Variants in PCDH9 observed in about 807,000 individuals in gnomAD.
PCDH9 encodes protocadherin-9.
PCDH9 carries 24 observed loss-of-function variants against 70.6 expected under a neutral mutation model. The ratio of observed to expected loss-of-function variants is 0.34; its 90% CI spans 0.25 to 0.48. The LOEUF is 0.48. Ranked by LOEUF, PCDH9 falls within the 20% of genes least tolerant of loss-of-function variation. The pLI is 0.99. For synonymous variants in PCDH9, 562 were observed against 558.5 expected, an observed-to-expected ratio of 1.01 and a Z score of -0.09; for missense variants, 1,281 against 1,503.6, an observed-to-expected ratio of 0.85 and a Z score of 2.45.
At chr13:66,566,090 T>C (rs2076648398) in intron 4 of PCDH9, among the ~76,000 whole-genome samples, 1 of 152,182 alleles carries the variant, frequency 6.6e-6, no homozygotes, top group Non-Finnish European at 1.5e-5. Flanking sequence ...AAGCTAGGCC[T>C]GAGAGATATT....
intron 3 of PCDH9, among the ~76,000 whole-genome samples, chr13:66,762,773 TA>T (rs2079649611): frequency 6.6e-6 from 1 of 152,026 alleles, no homozygotes; most frequent in Admixed American, 6.6e-5. Flanking sequence ...GAAATGTATT[TA>T]TTTGATATTA....
At chr13:66,919,648 G>A (rs1373981447) in intron 2 of PCDH9, among the ~76,000 whole-genome samples, 27 of 151,042 alleles carry the variant, frequency 1.8e-4, no homozygotes, top group Non-Finnish European at 1.5e-5. Flanking sequence ...TTTGCACGGA[G>A]GCACAGTCCT....
At chr13:66,660,868 G>T (rs910070218) in intron 3 of PCDH9, among the ~76,000 whole-genome samples, 1 of 150,412 alleles carries the variant, frequency 6.6e-6, no homozygotes, top group Non-Finnish European at 1.5e-5. Context: ...ATTTTGATTT[G>T]CTTCTGGAAA....
chr13:66,517,358 A>AAG (rs1461227901), intron 4 of PCDH9, among the ~76,000 whole-genome samples: 1 of 152,166 alleles, frequency 6.6e-6, no homozygotes, highest in Non-Finnish European at 1.5e-5. Context: ...ACTTTAGCTT[A>AAG]AGAGATCACC....
chr13:67,022,819 T>C (rs572281875), intron 2 of PCDH9, among the ~76,000 whole-genome samples: 9 of 152,312 alleles, frequency 5.9e-5, no homozygotes, highest in Admixed American at 5.9e-4. Flanking sequence ...GAGTATTGCT[T>C]AACGTTCAGA....
At chr13:66,588,424 A>G (rs73194750) in intron 4 of PCDH9, among the ~76,000 whole-genome samples, 103 of 151,828 alleles carry the variant, frequency 6.8e-4, no homozygotes, top group Non-Finnish European at 1.3e-3. Flanking sequence ...TTATGAATCA[A>G]TTTTTGCCCA....
intron 3 of PCDH9, among the ~76,000 whole-genome samples, chr13:66,853,021 T>G (rs2081339209): frequency 6.6e-6 from 1 of 151,970 alleles, no homozygotes; most frequent in South Asian, 2.1e-4. Flanking sequence ...GCTTGTTTCT[T>G]TTCATTAACA....
At chr13:67,191,583 C>G (rs1330990525) in intron 2 of PCDH9, among the ~76,000 whole-genome samples, 1 of 152,090 alleles carries the variant, frequency 6.6e-6, no homozygotes, top group African/African-American at 2.4e-5. Flanking sequence ...ACTAAAACAT[C>G]AAGAAAGCTA....
At chr13:67,089,756 G>A (rs1362065625) in intron 2 of PCDH9, among the ~76,000 whole-genome samples, 1 of 151,918 alleles carries the variant, frequency 6.6e-6, no homozygotes, top group Non-Finnish European at 1.5e-5. Context: ...TTTCACTTAC[G>A]TTCACCTGCA....
At chr13:66,789,200 G>A (rs1398374225) in intron 3 of PCDH9, among the ~76,000 whole-genome samples, 1 of 152,152 alleles carries the variant, frequency 6.6e-6, no homozygotes, top group East Asian at 1.9e-4. Context: ...CAGACCCTGA[G>A]TAACCGGCTG....
At chr13:66,961,924 G>C (rs973003268) in intron 2 of PCDH9, among the ~76,000 whole-genome samples, 1 of 152,084 alleles carries the variant, frequency 6.6e-6, no homozygotes, top group South Asian at 2.1e-4. Context: ...GGTGGCGTGT[G>C]CCGGTAATCC....
Position 67,225,705 on chromosome 13 carries a change from C to T in PCDH9, c.2736G>A (p.Glu912=), listed in dbSNP as rs965588825. The T allele has an allele frequency of 6.2e-7, 1 of 1,614,194 alleles. No homozygotes were observed. The highest frequency in any genetic ancestry group is 1.7e-5 in the Admixed American group (1 of 60,026). ...CCCAGTCAAATCTTCCTATACTTTG[C>T]TCCTCCAGTTCAGCCGGCAGGCTTA... ...GTISLPAELE[E]QSIGRFDWGP... The change falls in exon 2 of 5, where the codon GAG becomes GAA. Residue 912 remains glutamate, a synonymous_variant. Transcript: ENST00000377865.
chr13:66,467,492 G>T (rs1264682042), intron 4 of PCDH9, among the ~76,000 whole-genome samples: 1 of 151,944 alleles, frequency 6.6e-6, no homozygotes, highest in Non-Finnish European at 1.5e-5. Context: ...TAACTACCCT[G>T]AGAAAGAAGC....
At chr13:66,767,566 T>G (rs1449435843) in intron 3 of PCDH9, among the ~76,000 whole-genome samples, 1 of 152,094 alleles carries the variant, frequency 6.6e-6, no homozygotes, top group Non-Finnish European at 1.5e-5. Flanking sequence ...TACAGATCCC[T>G]TCAAACTTCT....
chr13:67,228,171 G>A lies in PCDH9; in HGVS notation c.270C>T (p.Asn90=), dbSNP rs149354181. Residue 90 remains asparagine (N), a synonymous_variant, in exon 2 of 5, where the codon AAC becomes AAT. Transcript: ENST00000377865. ...SSTGEIFTTS[N]RIDREKLCAG... ...CACAGAGTTTTTCTCTGTCTATTCT[G>A]TTGGAGGTTGTGAAAATTTCCCCAG... 3.1e-5 allele frequency: 50 copies of A among 1,613,490 alleles called. No individual in the cohort carries two copies. The highest frequency in any genetic ancestry group is 3.9e-5 in the Non-Finnish European group (46 of 1,179,870).
At chr13:66,788,590 C>CTGGT (rs2080114822) in intron 3 of PCDH9, among the ~76,000 whole-genome samples, 1 of 150,502 alleles carries the variant, frequency 6.6e-6, no homozygotes, top group Non-Finnish European at 1.5e-5. Context: ...GACTTCCACT[C>CTGGT]TGAATTTCAG....
intron 3 of PCDH9, among the ~76,000 whole-genome samples, chr13:66,708,731 A>G (rs2078751508): frequency 6.6e-6 from 1 of 152,220 alleles, no homozygotes; most frequent in Non-Finnish European, 1.5e-5. Context: ...TTTCAGTGAT[A>G]GGAGAATCAA....
intron 4 of PCDH9, among the ~76,000 whole-genome samples, chr13:66,441,787 GA>G (rs1957978793): frequency 6.6e-6 from 1 of 151,928 alleles, no homozygotes; most frequent in African/African-American, 2.4e-5. Flanking sequence ...GGTTAATAAA[GA>G]AAAACTAAGA....
chr13:66,717,943 A>G (rs1182589601), intron 3 of PCDH9, among the ~76,000 whole-genome samples: 1 of 152,204 alleles, frequency 6.6e-6, no homozygotes, highest in Non-Finnish European at 1.5e-5. Flanking sequence ...GATCAAAATA[A>G]TCAGATCATG....
Sources: gnomAD v4.1 joint callset for allele counts (sites outside exome capture counted in the v4.1 genomes callset) on GRCh38, gnomAD v4.1.1 for gene constraint, MANE v1.5 for transcripts, NCBI Gene and HGNC (gene_info 2026-07-23, HGNC 2026-07-21) for gene names.